XBP1: variants seen among roughly 807,000 people sequenced by gnomAD.
XBP1 encodes X-box binding protein 1, also known as X-box-binding protein 1.
Under a neutral mutation model 34.6 loss-of-function variants are expected in XBP1, and 18 were observed. The ratio of observed to expected loss-of-function variants is 0.52; its 90% CI spans 0.36 to 0.77. The LOEUF (loss-of-function observed/expected upper bound fraction) is 0.77. Ranked by LOEUF, XBP1 falls within the 30% of genes least tolerant of loss-of-function variation. The probability of loss-of-function intolerance (pLI) is 0.00; values close to 1 mark genes in which losing one functional copy is unlikely to be tolerated. For synonymous variants in XBP1, 191 were observed against 193.4 expected, an observed-to-expected ratio of 0.99 and a Z score of 0.11; for missense variants, 422 against 464.6, an observed-to-expected ratio of 0.91 and a Z score of 0.84.
intron 1 of XBP1, 24 bp downstream of exon 1, chr22:28,800,274 C>T (rs1317840726): frequency 2.6e-6 from 4 of 1,548,922 alleles, no homozygotes; most frequent in Non-Finnish European, 3.5e-6. Context: ...CAGATCTGGC[C>T]CCAGACCCCG....
exon 1 of XBP1, chr22:28,800,369 G>A (rs1242665723): frequency 1.9e-6 from 3 of 1,540,954 alleles, no homozygotes; most frequent in East Asian, 5.2e-5. Context: ...GCAGCCCCCC[G>A]CTCGCTGCCT....
Position 28,796,168 on chromosome 22 carries a change from C to T in XBP1, c.478G>A (p.Gly160Arg), listed in dbSNP as rs751050496. Residue 160 changes from glycine to arginine, a missense_variant, in exon 4 of 6, where the codon GGG (glycine) becomes AGG (arginine). Gly to Arg is a moderately radical substitution (Grantham distance 125, BLOSUM62 -2). This residue lies in a region of XBP1 where 292 missense variants were observed against 339.9 expected (regional missense o/e 0.86). Transcript: ENST00000344347. ...CTGAGTGCTGCGGACTCAGCAGACCCGGCCACTGGCCTCACTTCATTCCCC... is the reference window on the plus strand; with the variant it reads ...CTGAGTGCTGCGGACTCAGCAGACCTGGCCACTGGCCTCACTTCATTCCCC... 7.6e-6 allele frequency: 12 copies of T among 1,586,750 alleles called. No homozygotes were observed. Among genetic ancestry groups the T allele is most frequent in the African/African-American group, 1.4e-5 (1 of 73,770 alleles).
exon 1 of XBP1, chr22:28,800,330 C>T: frequency 6.4e-7 from 1 of 1,551,418 alleles, no homozygotes; most frequent in Non-Finnish European, 8.7e-7. Context: ...GGCTCAGGTG[C>T]GTGAGGCGCT....
At chr22:28,795,915 GT>G in intron 5 of XBP1, 131 bp downstream of exon 5, 1 of 1,296,144 alleles carries the variant, frequency 7.7e-7, no homozygotes, top group Admixed American at 1.9e-5. Context: ...AACTAGGAAG[GT>G]AGTTGATGTT....
chr22:28,800,446 C>T (rs1214878879), exon 1 of XBP1: 2 of 1,472,028 alleles, frequency 1.4e-6, no homozygotes, highest in Non-Finnish European at 1.8e-6. Flanking sequence ...GCTCCGGCGG[C>T]GGAGGCGGGC....
intron 1 of XBP1, chr22:28,799,870 C>T: frequency 1.4e-6 from 1 of 700,574 alleles, no homozygotes; most frequent in South Asian, 1.6e-5. Context: ...ACCAGTGAGC[C>T]TCGCAGAATT....
intron 1 of XBP1, among the ~76,000 whole-genome samples, chr22:28,799,673 G>A (rs1444536413): frequency 1.3e-5 from 2 of 152,046 alleles, no homozygotes; most frequent in Non-Finnish European, 2.9e-5. Context: ...GTCTGTTGGA[G>A]GAGACACTTT....
At chr22:28,798,375 C>G (rs1601438083) in intron 2 of XBP1, among the ~76,000 whole-genome samples, 1 of 145,032 alleles carries the variant, frequency 6.9e-6, no homozygotes, top group East Asian at 2.2e-4. Flanking sequence ...ATCTCGTGAT[C>G]TCAGCTCACT....
chr22:28,795,326 T>C, exon 6 of XBP1: 1 of 1,551,984 alleles, frequency 6.4e-7, no homozygotes, highest in Non-Finnish European at 8.7e-7. Context: ...GGAAGATGGC[T>C]TTGGGCAGTG....
At chr22:28,796,162 C>G (rs149590204) in exon 4 of XBP1, 34 of 1,591,996 alleles carry the variant, frequency 2.1e-5, no homozygotes, top group Non-Finnish European at 2.7e-5. Context: ...GCGGACTCAG[C>G]AGACCCGGCC....
intron 2 of XBP1, among the ~76,000 whole-genome samples, chr22:28,798,302 C>CTT (rs71316865): frequency 1.1e-4 from 14 of 123,376 alleles, no homozygotes; most frequent in Admixed American, 2.4e-4. Flanking sequence ...CTTAGATTAA[C>CTT]TTTTTTTTTT....
intron 1 of XBP1, 132 bp downstream of exon 1, chr22:28,800,166 C>A: frequency 9.0e-7 from 1 of 1,104,998 alleles, no homozygotes; most frequent in East Asian, 2.7e-5. Flanking sequence ...ACGCTGGCAC[C>A]GACCCGCCAG....
chr22:28,797,509 G>A (rs1156639749), intron 2 of XBP1, among the ~76,000 whole-genome samples: 2 of 151,908 alleles, frequency 1.3e-5, no homozygotes, highest in African/African-American at 4.8e-5. Flanking sequence ...GGCCAGGCTC[G>A]GTGGCTCACA....
chr22:28,795,061 C>T, downstream of XBP1: 1 of 1,033,080 alleles, frequency 9.7e-7, no homozygotes, highest in East Asian at 2.7e-5. Context: ...GAGGAATTCT[C>T]TAGGACTGTA....
chr22:28,799,768 G>T (rs1365582941), intron 1 of XBP1, among the ~76,000 whole-genome samples: 1 of 152,142 alleles, frequency 6.6e-6, no homozygotes, highest in Non-Finnish European at 1.5e-5. Flanking sequence ...ATTTACGGAG[G>T]ACTAAGTGCT....
chr22:28,799,298 A>G (rs2031819074), intron 1 of XBP1, 145 bp from the exon 2 acceptor site: 2 of 597,766 alleles, frequency 3.3e-6, no homozygotes, highest in African/African-American at 1.9e-5. Context: ...TCCTCCCCTC[A>G]ATAAAACAAA....
exon 3 of XBP1, chr22:28,797,191 C>T (rs1364565609): frequency 6.2e-7 from 1 of 1,612,396 alleles, no homozygotes; most frequent in East Asian, 2.2e-5. Context: ...GATTTTCTAG[C>T]AAAAGTTTTT....
chr22:28,795,757 A>G (rs550349773), intron 5 of XBP1, 25 bp from the exon 6 acceptor site: 2 of 1,517,852 alleles, frequency 1.3e-6, no homozygotes, highest in African/African-American at 1.4e-5. Context: ...AATTAAATGA[A>G]GTACAACTGT....
intron 3 of XBP1, 143 bp downstream of exon 3, chr22:28,796,934 C>T: frequency 9.7e-7 from 1 of 1,026,770 alleles, no homozygotes; most frequent in Non-Finnish European, 1.4e-6. Flanking sequence ...GAAGAACACT[C>T]TGCCTGCATG....
Sources: gnomAD v4.1 joint callset for allele counts (sites outside exome capture counted in the v4.1 genomes callset) on GRCh38, gnomAD v4.1.1 for gene constraint, gnomAD v4.1.1 regional missense constraint, MANE v1.5 for transcripts, NCBI Gene and HGNC (gene_info 2026-07-23, HGNC 2026-07-21) for gene names.